Variants in RNF8 observed in about 807,000 individuals in gnomAD.
RNF8 encodes the protein ring finger protein 8, also known as E3 ubiquitin-protein ligase RNF8.
RNF8 carries 8 observed loss-of-function variants against 59.3 expected under a neutral mutation model. The observed-to-expected ratio is 0.13, with a 90% CI of 0.08 to 0.24. The LOEUF (loss-of-function observed/expected upper bound fraction) is 0.24. Among genes scored for constraint, RNF8 ranks in the 10% least tolerant of loss-of-function variants. RNF8 has a pLI of 1.00. For missense variants in RNF8, 406 were observed against 572.6 expected, an observed-to-expected ratio of 0.71 and a Z score of 2.97; for synonymous variants, 162 against 200.0, an observed-to-expected ratio of 0.81 and a Z score of 1.60.
chr6:37,392,909 C>T lies in RNF8; in HGVS notation c.*2151C>T, dbSNP rs1770765083. ...GCTAAAGCAATCCTACCACCTTGGC[C>T]TCCCAAAGTGCTGAGATTACAGGCA... On this transcript the variant is annotated 3_prime_UTR_variant, in exon 8 of 8. Transcript: ENST00000373479. 2 of 302,292 alleles carry T rather than the reference C, an allele frequency of 6.6e-6. No individual in the cohort carries two copies. Among genetic ancestry groups the T allele is most frequent in the African/African-American group, 4.3e-5 (2 of 46,402 alleles). 18.7% of individuals were successfully genotyped at this position (302,292 alleles called of 1,614,324 possible). A position where few individuals can be genotyped will look rare whatever the true frequency, so the allele number is the denominator to read the frequency against.
chr6:37,386,608 G>A (rs1178812388), intron 7 of RNF8, among the ~76,000 whole-genome samples: 4 of 152,182 alleles, frequency 2.6e-5, no homozygotes, highest in Non-Finnish European at 5.9e-5. Context: ...TACACCCTGA[G>A]GAGTCCAATG....
chr6:37,388,642 G>A lies in RNF8; in HGVS notation c.1442-2100G>A, dbSNP rs140582240. 3.4e-3 allele frequency among the ~76,000 whole-genome samples: 517 copies of A among 152,158 alleles called. 4 individuals carry two copies. The highest frequency in any genetic ancestry group is 0.012 in the African/African-American group (495 of 41,512). ...GAGAGAGATGGAAAAAGAGGGATGT[G>A]GGGCAGGGATGTGGGGCAGGCAGAG... On this transcript the variant is annotated intron_variant, in intron 7 of 7. Transcript: ENST00000373479.
At position 37,393,988 on chromosome 6, in the gene RNF8, T is replaced by C. The variant is rs1770794872; in HGVS notation, c.*3230T>C. ...ACTGGAATCTCTCCACCTCATCGTA[T>C]CTAAGGATAACCCAGAAACATGGGG... On this transcript the variant is annotated 3_prime_UTR_variant, in exon 8 of 8. Coordinates refer to ENST00000373479, the MANE Select transcript of RNF8 (RefSeq NM_003958.4). 6.6e-6 allele frequency: 1 copy of C among 152,166 alleles called. No homozygotes were observed. The highest frequency in any genetic ancestry group is 2.1e-4 in the South Asian group (1 of 4,828). The allele number at this position is 152,166 out of a possible 1,614,324, so 9.4% of individuals were successfully genotyped here.
At chr6:37,374,529 C>A in intron 4 of RNF8, 91 bp from the exon 5 acceptor site, 1 of 904,026 alleles carries the variant, frequency 1.1e-6, no homozygotes, top group Non-Finnish European at 1.8e-6. Flanking sequence ...CACAAAGTCA[C>A]TAACTAGAGG....
chr6:37,371,447 C>A, intron 3 of RNF8, 65 bp from the exon 4 acceptor site: 1 of 1,408,486 alleles, frequency 7.1e-7, no homozygotes, highest in Non-Finnish European at 1.0e-6. Context: ...CTGCTTGTTG[C>A]TGGATTGTGT....
chr6:37,369,916 A>G (rs562265033), intron 3 of RNF8: 2 of 152,366 alleles, frequency 1.3e-5, no homozygotes, highest in Admixed American at 6.5e-5. Flanking sequence ...GTAAGACCAA[A>G]TGTATTTCCA....
intron 6 of RNF8, 76 bp from the exon 7 acceptor site, chr6:37,381,074 C>A: frequency 7.7e-7 from 1 of 1,290,458 alleles, no homozygotes; most frequent in South Asian, 1.2e-5. Context: ...CACTCCTGTC[C>A]TAACTTTGAG....
intron 7 of RNF8, among the ~76,000 whole-genome samples, chr6:37,388,917 A>C (rs1000557304): frequency 1.4e-5 from 2 of 144,672 alleles, no homozygotes; most frequent in Non-Finnish European, 3.0e-5. Flanking sequence ...TGGGCAAAAG[A>C]GCCAGACCCT....
chr6:37,384,989 C>G (rs1461535555), intron 7 of RNF8, among the ~76,000 whole-genome samples: 1 of 151,970 alleles, frequency 6.6e-6, no homozygotes, highest in Non-Finnish European at 1.5e-5. Context: ...TGCTTGTACT[C>G]AGATAGTATA....
chr6:37,368,870 C>T lies in RNF8; in HGVS notation c.627C>T (p.Ala209=), dbSNP rs1376058802. ...ACAATTTGGATCCTAAGTTGACTGC[C>T]CTTGAGCCAAGTAAGACCACAGGGG... ...PSDNLDPKLT[A]LEPSKTTGAP... is the part of the protein sequence containing the mutation. The change falls in exon 3 of 8, where the codon GCC becomes GCT. Residue 209 remains alanine (A), a synonymous_variant. Coordinates refer to ENST00000373479, the MANE Select transcript of RNF8 (RefSeq NM_003958.4). 3 of 1,613,988 alleles carry T rather than the reference C, an allele frequency of 1.9e-6. No homozygotes were observed. Among genetic ancestry groups the T allele is most frequent in the Non-Finnish European group, 2.5e-6 (3 of 1,180,026 alleles).
Position 37,354,204 on chromosome 6 carries a change from G to A in RNF8, c.40G>A (p.Gly14Ser), listed in dbSNP as rs112061089. Residue 14 changes from glycine to serine, a missense_variant, in exon 1 of 8, where the codon GGT (glycine) becomes AGT (serine). This residue lies in a region of RNF8 where 62 missense variants were observed against 112.2 expected (regional missense o/e 0.55). Transcript: ENST00000373479. ...CTTCTTCGTCACAGGAGACCGCGCC[G>A]GTGGCCGGAGCTGGTGCCTGCGGCG... ...PGFFVTGDRA[G>S]GRSWCLRRVG... 3 of 1,588,130 alleles carry A rather than the reference G, an allele frequency of 1.9e-6. No homozygotes were observed. Among genetic ancestry groups the A allele is most frequent in the African/African-American group, 2.7e-5 (2 of 74,558 alleles).
chr6:37,372,537 T>C (rs1769853352), intron 4 of RNF8, among the ~76,000 whole-genome samples: 1 of 152,230 alleles, frequency 6.6e-6, no homozygotes, highest in Non-Finnish European at 1.5e-5. Flanking sequence ...AGACATTGTT[T>C]TGAAATTGAA....
chr6:37,369,242 AGAGTGGTCTTCAG>A, intron 3 of RNF8, 24 bp downstream of exon 3: 1 of 1,577,686 alleles, frequency 6.3e-7, no homozygotes. Context: ...GGGAAGGGCA[AGAGTGGTCTTCAG>A]GGGTGGGGCA....
rs1769283626 is a variant in RNF8 at position 37,360,658 on chromosome 6, A to G, written c.240+84A>G. On this transcript the variant is annotated intron_variant, in intron 2 of 7. Transcript: ENST00000373479. The surrounding 1 kb of genome is among the most constrained non-coding windows in gnomAD (Gnocchi z 4.2). ...TTTTTGCATAGGTAATTCATGGTATAAAATTCAAAAGTATAACTTCTTCTT... is the reference window on the plus strand; with the variant it reads ...TTTTTGCATAGGTAATTCATGGTATGAAATTCAAAAGTATAACTTCTTCTT... The G allele has an allele frequency of 2.9e-6, 4 of 1,375,898 alleles. No individual in the cohort carries two copies. The allele number at this position is 1,375,898 out of a possible 1,614,324, so 85.2% of individuals were successfully genotyped here.
At chr6:37,377,332 C>T (rs770418032) in intron 6 of RNF8, among the ~76,000 whole-genome samples, 7 of 152,102 alleles carry the variant, frequency 4.6e-5, no homozygotes, top group Non-Finnish European at 7.4e-5. Context: ...CCACCTCAGC[C>T]TCCCAAAGTG....
At chr6:37,367,175 G>A (rs564860071) in intron 2 of RNF8, among the ~76,000 whole-genome samples, 13 of 152,228 alleles carry the variant, frequency 8.5e-5, no homozygotes, top group African/African-American at 2.9e-4. Context: ...CTAAATACTT[G>A]CCATATGTTA....
Position 37,393,593 on chromosome 6 carries a change from T to C in RNF8, c.*2835T>C, listed in dbSNP as rs1770783329. On this transcript the variant is annotated 3_prime_UTR_variant, in exon 8 of 8. Coordinates refer to ENST00000373479, the MANE Select transcript of RNF8 (RefSeq NM_003958.4). ...GGGGGTTTGTTTCATTATCTGGTTT[T>C]ATTAAGCAGATGAATGCAGCCAGCT... 6.6e-6 allele frequency: 1 copy of C among 152,260 alleles called. No homozygotes were observed. The highest frequency in any genetic ancestry group is 2.4e-5 in the African/African-American group (1 of 41,454). 9.4% of individuals were successfully genotyped at this position (152,260 alleles called of 1,614,324 possible). A position where few individuals can be genotyped will look rare whatever the true frequency, so the allele number is the denominator to read the frequency against.
rs548775289 is a variant in RNF8, at chr6:37,362,629, C to T, written c.240+2055C>T. Among the ~76,000 whole-genome samples, 7 of 152,368 alleles carry T rather than the reference C, an allele frequency of 4.6e-5. No homozygotes were observed. In the South Asian group the frequency reaches 6.2e-4, roughly 14 times the overall value. ...ACTACAGATGCCCCCTTTCTGGCTTCCTCCTGGCATGATGCCATGGCAGCC... is the reference window on the plus strand; with the variant it reads ...ACTACAGATGCCCCCTTTCTGGCTTTCTCCTGGCATGATGCCATGGCAGCC... On this transcript the variant is annotated intron_variant, in intron 2 of 7. Transcript: ENST00000373479.
chr6:37,384,329 C>T (rs950281689), intron 7 of RNF8, among the ~76,000 whole-genome samples: 7 of 151,950 alleles, frequency 4.6e-5, no homozygotes, highest in African/African-American at 1.5e-4. Context: ...TTAGTAGAGA[C>T]GGGGTTTTAC....
Sources: gnomAD v4.1 joint callset for allele counts (sites outside exome capture counted in the v4.1 genomes callset) on GRCh38, gnomAD v4.1.1 for gene constraint, gnomAD v4.1.1 regional missense constraint, Gnocchi (gnomAD v3.1) non-coding constraint, MANE v1.5 for transcripts, NCBI Gene and HGNC (gene_info 2026-07-23, HGNC 2026-07-21) for gene names.